ANTXR1: variants seen among roughly 807,000 people sequenced by gnomAD.
ANTXR1 encodes anthrax toxin receptor 1.
In ANTXR1, 19 loss-of-function variants were observed where a neutral mutation model predicts 78.1. The observed-to-expected ratio is 0.24, with a 90% CI of 0.17 to 0.36. ANTXR1 has a LOEUF of 0.36. Ranked by LOEUF, ANTXR1 falls within the 10% of genes least tolerant of loss-of-function variation. The probability of loss-of-function intolerance (pLI) is 1.00; values close to 1 mark genes in which losing one functional copy is unlikely to be tolerated. For synonymous variants in ANTXR1, 273 were observed against 260.5 expected (o/e 1.05, Z -0.46); for missense variants, 518 against 718.6 (o/e 0.72, Z 3.19).
chr2:69,056,822 C>T (rs1670082323), intron 3 of ANTXR1, among the ~76,000 whole-genome samples: 1 of 152,014 alleles, frequency 6.6e-6, no homozygotes, highest in Non-Finnish European at 1.5e-5. Flanking sequence ...TACAGGCGAG[C>T]AACACCATGC....
rs1010717869 is a variant in ANTXR1, at chr2:69,210,757, G to A, written c.1434+17342G>A. The stretch of plus-strand genomic sequence containing the variant: ...TTGAGACCAGCCTGGCCAACATGGC[G>A]AAACCCCGTCTCTAACAAAAATACA... On this transcript the variant is annotated intron_variant, in intron 17 of 17. Coordinates refer to ENST00000303714, the MANE Select transcript of ANTXR1 (RefSeq NM_032208.3). Among the ~76,000 whole-genome samples, 9 of 151,992 alleles carry A rather than the reference G, an allele frequency of 5.9e-5. No homozygotes were observed. The East Asian group carries it at 7.7e-4, about 13-fold the overall frequency.
chr2:69,182,428 T>C (rs1228154848), intron 15 of ANTXR1, 65 bp from the exon 16 acceptor site: 8 of 1,578,260 alleles, frequency 5.1e-6, no homozygotes, highest in Non-Finnish European at 6.1e-6. Flanking sequence ...CATGTATTTG[T>C]CATTCTCATT....
At chr2:69,225,455 G>A (rs1447950490) in intron 17 of ANTXR1, among the ~76,000 whole-genome samples, 1 of 152,082 alleles carries the variant, frequency 6.6e-6, no homozygotes, top group African/African-American at 2.4e-5. Context: ...ACTCTAGCCT[G>A]GGCGACAAAG....
intron 3 of ANTXR1, among the ~76,000 whole-genome samples, chr2:69,050,127 C>T (rs946355353): frequency 6.6e-6 from 1 of 151,868 alleles, no homozygotes; most frequent in African/African-American, 2.4e-5. Flanking sequence ...GACCCCATCT[C>T]TACAAAAAAT....
At chr2:69,212,550 A>G (rs925952944) in intron 17 of ANTXR1, among the ~76,000 whole-genome samples, 1 of 152,230 alleles carries the variant, frequency 6.6e-6, no homozygotes, top group Non-Finnish European at 1.5e-5. Flanking sequence ...CCTATGCTTT[A>G]TGATAAAATA....
intron 17 of ANTXR1, among the ~76,000 whole-genome samples, chr2:69,239,030 C>T (rs1193543258): frequency 6.6e-6 from 1 of 152,174 alleles, no homozygotes; most frequent in Non-Finnish European, 1.5e-5. Flanking sequence ...CCCTGTCATC[C>T]CACAAACCCA....
intron 17 of ANTXR1, among the ~76,000 whole-genome samples, chr2:69,236,540 TATGA>T (rs1016854204): frequency 1.3e-4 from 20 of 152,130 alleles, no homozygotes; most frequent in African/African-American, 4.6e-4. Context: ...GTATTGGAAC[TATGA>T]ATGAATATCA....
At chr2:69,138,602 G>A (rs780007435) in intron 12 of ANTXR1, among the ~76,000 whole-genome samples, 2 of 152,252 alleles carry the variant, frequency 1.3e-5, no homozygotes, top group South Asian at 2.1e-4. Flanking sequence ...AAGGAAATGC[G>A]AAAGGCAGGG....
chr2:69,126,803 C>T (rs1174662093), intron 12 of ANTXR1, among the ~76,000 whole-genome samples: 1 of 152,232 alleles, frequency 6.6e-6, no homozygotes, highest in Non-Finnish European at 1.5e-5. Flanking sequence ...ACCTTCCCAA[C>T]CCACGGCAGC....
chr2:69,209,671 C>G (rs1340746003), intron 17 of ANTXR1, among the ~76,000 whole-genome samples: 1 of 152,188 alleles, frequency 6.6e-6, no homozygotes, highest in African/African-American at 2.4e-5. Context: ...CAAGAGGGAG[C>G]TGCTACGTTA....
intron 14 of ANTXR1, among the ~76,000 whole-genome samples, chr2:69,178,215 A>G (rs962106229): frequency 5.3e-5 from 8 of 152,306 alleles, no homozygotes; most frequent in Admixed American, 3.3e-4. Context: ...GGAAAGACAC[A>G]TCAAAGATTC....
intron 1 of ANTXR1, among the ~76,000 whole-genome samples, chr2:69,014,683 A>T (rs770747561): frequency 2.1e-4 from 32 of 152,232 alleles, no homozygotes; most frequent in Non-Finnish European, 4.3e-4. Context: ...CTCCAGTGCC[A>T]GGAGAGGCGC....
At chr2:69,237,845 T>C (rs1391348463) in intron 17 of ANTXR1, among the ~76,000 whole-genome samples, 1 of 152,202 alleles carries the variant, frequency 6.6e-6, no homozygotes, top group Non-Finnish European at 1.5e-5. Context: ...TATATGCACA[T>C]TTTTATTTAT....
chr2:69,043,385 C>T (rs979149385), intron 2 of ANTXR1, among the ~76,000 whole-genome samples: 1 of 152,182 alleles, frequency 6.6e-6, no homozygotes, highest in Non-Finnish European at 1.5e-5. Context: ...TGATCTCACA[C>T]ATGGTAAGAA....
At chr2:69,107,379 A>G (rs866429149) in intron 10 of ANTXR1, among the ~76,000 whole-genome samples, 18 of 152,130 alleles carry the variant, frequency 1.2e-4, no homozygotes, top group Middle Eastern at 6.8e-3. Context: ...AGCTAGGACC[A>G]CAGATGTGAG....
chr2:69,054,876 TG>T (rs1670024422), intron 3 of ANTXR1, among the ~76,000 whole-genome samples: 1 of 152,228 alleles, frequency 6.6e-6, no homozygotes, highest in African/African-American at 2.4e-5. Context: ...GAGGGCTTGA[TG>T]GTGAAATTAA....
chr2:69,031,289 C>CCATCTTG (rs1468667512), intron 1 of ANTXR1, among the ~76,000 whole-genome samples: 7 of 152,280 alleles, frequency 4.6e-5, no homozygotes, highest in African/African-American at 1.4e-4. Flanking sequence ...GGTTTAAGGG[C>CCATCTTG]CATCTTGCCA....
intron 12 of ANTXR1, among the ~76,000 whole-genome samples, chr2:69,133,225 A>T (rs1672809396): frequency 6.6e-6 from 1 of 152,208 alleles, no homozygotes; most frequent in Admixed American, 6.5e-5. Flanking sequence ...CCCAACAAGG[A>T]TCTCCCCAAA....
intron 17 of ANTXR1, among the ~76,000 whole-genome samples, chr2:69,219,448 A>G (rs917261769): frequency 1.1e-4 from 16 of 140,784 alleles, no homozygotes; most frequent in African/African-American, 4.1e-4. Flanking sequence ...TAGGTTATCT[A>G]TCTCCCTTAA....
Sources: gnomAD v4.1 joint callset for allele counts (sites outside exome capture counted in the v4.1 genomes callset) on GRCh38, gnomAD v4.1.1 for gene constraint, MANE v1.5 for transcripts, NCBI Gene and HGNC (gene_info 2026-07-23, HGNC 2026-07-21) for gene names.